ESR1: variants seen among roughly 807,000 people sequenced by gnomAD.
The protein encoded by ESR1 is estrogen receptor.
In ESR1, 12 loss-of-function variants were observed where a neutral mutation model predicts 52.7. That is an observed-to-expected ratio of 0.23 (90% CI 0.15 to 0.37). ESR1 has a LOEUF of 0.37. ESR1 is among the 10% of genes least tolerant of loss of function. The pLI is 1.00. For missense variants in ESR1, 584 were observed against 779.7 expected (o/e 0.75, Z 2.99); for synonymous variants, 305 against 316.8 (o/e 0.96, Z 0.39).
intron 1 of ESR1, among the ~76,000 whole-genome samples, chr6:151,820,308 A>C (rs1780355806): frequency 6.6e-6 from 1 of 152,222 alleles, no homozygotes; most frequent in South Asian, 2.1e-4. Flanking sequence ...TGAATATTGA[A>C]TTAATAAAAT....
At chr6:152,044,192 A>G (rs2046035753) in intron 5 of ESR1, among the ~76,000 whole-genome samples, 1 of 152,196 alleles carries the variant, frequency 6.6e-6, no homozygotes, top group South Asian at 2.1e-4. Flanking sequence ...CAGGAGTATC[A>G]GATGCATTTA....
intron 3 of ESR1, among the ~76,000 whole-genome samples, chr6:151,918,162 C>T (rs1427509387): frequency 1.3e-5 from 2 of 152,186 alleles, no homozygotes; most frequent in Non-Finnish European, 2.9e-5. Context: ...GAGTTTTCTT[C>T]AGTCATGCTG....
At chr6:151,748,555 A>G (rs1783658859) in intron 2 of ESR1, among the ~76,000 whole-genome samples, 1 of 152,178 alleles carries the variant, frequency 6.6e-6, no homozygotes, top group Non-Finnish European at 1.5e-5. Context: ...CAAGACATAC[A>G]ATTGTTCTTG....
At chr6:152,108,308 T>C (rs1300962355) in intron 6 of ESR1, among the ~76,000 whole-genome samples, 1 of 152,212 alleles carries the variant, frequency 6.6e-6, no homozygotes, top group African/African-American at 2.4e-5. Context: ...GTTCTGTTGC[T>C]GACCAAACTG....
intron 1 of ESR1, among the ~76,000 whole-genome samples, chr6:151,685,425 G>T (rs1002200185): frequency 1.9e-4 from 29 of 151,936 alleles, no homozygotes; most frequent in African/African-American, 6.8e-4. Context: ...GAGCCACCGC[G>T]CCCGGCCACT....
chr6:151,811,417 A>C (rs1276115952), intron 1 of ESR1: 4 of 152,188 alleles, frequency 2.6e-5, no homozygotes, highest in African/African-American at 9.6e-5. Context: ...TCTAATTAGG[A>C]ATTTAATGCT....
At chr6:151,862,109 C>T (rs147554449) in intron 2 of ESR1, among the ~76,000 whole-genome samples, 8 of 152,230 alleles carry the variant, frequency 5.3e-5, no homozygotes, top group East Asian at 1.9e-4. Flanking sequence ...CTCTATGTTA[C>T]GTGTCCTGAA....
intron 6 of ESR1, among the ~76,000 whole-genome samples, chr6:152,109,471 G>A (rs372717947): frequency 6.6e-6 from 1 of 151,180 alleles, no homozygotes; most frequent in Non-Finnish European, 1.5e-5. Context: ...TTTGAGACCA[G>A]TCTGGGCAAC....
intron 6 of ESR1, among the ~76,000 whole-genome samples, chr6:152,119,873 G>A (rs975042896): frequency 1.3e-5 from 2 of 152,150 alleles, no homozygotes; most frequent in African/African-American, 2.4e-5. Flanking sequence ...CAATCATCTG[G>A]GGAAGAGCCA....
At chr6:151,663,660 A>G (rs565881200) in intron 1 of ESR1, among the ~76,000 whole-genome samples, 12 of 152,178 alleles carry the variant, frequency 7.9e-5, no homozygotes, top group Non-Finnish European at 1.6e-4. Context: ...CTTGGTGCTA[A>G]CAGTGGCCCC....
intron 1 of ESR1, among the ~76,000 whole-genome samples, chr6:151,661,969 G>C (rs1777653074): frequency 6.6e-6 from 1 of 152,098 alleles, no homozygotes; most frequent in African/African-American, 2.4e-5. Context: ...CAAGTCTCAG[G>C]CACCTAAACC....
chr6:151,959,028 T>C (rs912957360), intron 4 of ESR1, among the ~76,000 whole-genome samples: 7 of 148,052 alleles, frequency 4.7e-5, no homozygotes, highest in Non-Finnish European at 8.9e-5. Flanking sequence ...GTTCTATGCA[T>C]CTGCAGAGGG....
intron 6 of ESR1, among the ~76,000 whole-genome samples, chr6:152,119,460 A>C (rs1198394262): frequency 6.6e-6 from 1 of 152,028 alleles, no homozygotes; most frequent in Non-Finnish European, 1.5e-5. Flanking sequence ...TTATTTTTCC[A>C]TGTTAGCTAT....
chr6:151,833,564 C>A (rs1029008613), intron 1 of ESR1, among the ~76,000 whole-genome samples: 4 of 151,998 alleles, frequency 2.6e-5, no homozygotes, highest in Non-Finnish European at 4.4e-5. Flanking sequence ...GAGGACTCAC[C>A]ATGTCCATAC....
intron 1 of ESR1, among the ~76,000 whole-genome samples, chr6:151,673,744 T>C (rs1430332126): frequency 6.6e-6 from 1 of 152,116 alleles, no homozygotes; most frequent in Non-Finnish European, 1.5e-5. Flanking sequence ...CTGCTGGATG[T>C]GGTAGCGTGC....
intron 1 of ESR1, among the ~76,000 whole-genome samples, chr6:151,661,122 A>T (rs958414513): frequency 4.9e-5 from 7 of 143,090 alleles, no homozygotes; most frequent in Non-Finnish European, 4.8e-5. Flanking sequence ...TAGTACAATT[A>T]AAAAAATAAT....
At chr6:151,759,137 T>A (rs1784478771) in intron 2 of ESR1, among the ~76,000 whole-genome samples, 1 of 151,394 alleles carries the variant, frequency 6.6e-6, no homozygotes, top group Non-Finnish European at 1.5e-5. Context: ...TAGCTGGGTG[T>A]GGTGGTGCGT....
In ESR1 at chr6:152,042,598, C is replaced by T. The variant is rs528413898; in HGVS notation, c.1236-18393C>T. ...CCTCAAGGGGACCCAGCCTCCCCTT[C>T]ATTCAAGGGGTTCTGGGTCTATAAA... On this transcript the variant is annotated intron_variant, in intron 5 of 7. Transcript: ENST00000206249. Among the ~76,000 whole-genome samples, 139 of 152,318 alleles carry T rather than the reference C, an allele frequency of 9.1e-4. 1 individual carries two copies. The highest frequency in any genetic ancestry group is 3.2e-3 in the African/African-American group (131 of 41,564).
At chr6:151,809,595 G>C (rs1194285700) in intron 1 of ESR1, among the ~76,000 whole-genome samples, 1 of 152,158 alleles carries the variant, frequency 6.6e-6, no homozygotes, top group Non-Finnish European at 1.5e-5. Flanking sequence ...TTTTTGTTCA[G>C]TATTCTGTTT....
Sources: allele counts gnomAD v4.1 joint callset (sites outside exome capture counted in the v4.1 genomes callset), GRCh38; gene constraint gnomAD v4.1.1; transcripts MANE v1.5; gene names NCBI Gene and HGNC (gene_info 2026-07-23, HGNC 2026-07-21).